The following SPECC1L variants were observed in gnomAD, a reference collection of about 807,000 sequenced individuals.
SPECC1L encodes sperm antigen with calponin homology and coiled-coil domains 1 like, also known as cytospin-A.
In SPECC1L, 40 loss-of-function variants were observed where a neutral mutation model predicts 116.8. The observed-to-expected ratio is 0.34, with a 90% confidence interval of 0.27 to 0.45. SPECC1L has a LOEUF of 0.45. Among genes scored for constraint, SPECC1L ranks in the 20% least tolerant of loss-of-function variants. The pLI is 1.00. For synonymous variants in SPECC1L, 504 were observed against 500.6 expected (o/e 1.01, Z -0.09); for missense variants, 1,110 against 1,373.6 (o/e 0.81, Z 3.03).
intron 2 of SPECC1L, among the ~76,000 whole-genome samples, chr22:24,299,329 C>T (rs539149078): frequency 1.5e-4 from 23 of 151,960 alleles, no homozygotes; most frequent in Admixed American, 3.9e-4. Context: ...CCCAGCTATT[C>T]GGGAGGCTGA....
At chr22:24,309,892 C>T (rs1285757919) in intron 3 of SPECC1L, among the ~76,000 whole-genome samples, 2 of 152,084 alleles carry the variant, frequency 1.3e-5, no homozygotes, top group African/African-American at 4.8e-5. Flanking sequence ...TTATTTTCAG[C>T]ATATGAAACA....
In SPECC1L at chr22:24,391,118, G is replaced by A. The variant is rs538659677; in HGVS notation, c.3088-20470G>A. On this transcript the variant is annotated intron_variant, in intron 14 of 16. Transcript: ENST00000314328. ...TCTCAATCTCCTGATCTTGGGATCCGCCCGCCTTGGCCTCCCAAAGTGCTG... is the reference window on the plus strand; with the variant it reads ...TCTCAATCTCCTGATCTTGGGATCCACCCGCCTTGGCCTCCCAAAGTGCTG... Among the ~76,000 whole-genome samples the A allele has an allele frequency of 4.5e-4, 68 of 151,818 alleles. 3 individuals carry two copies. Among genetic ancestry groups the A allele is most frequent in the Admixed American group, 3.3e-3 (50 of 15,244 alleles).
chr22:24,308,265 GAAAA>G (rs890452484), intron 3 of SPECC1L, among the ~76,000 whole-genome samples: 1 of 151,192 alleles, frequency 6.6e-6, no homozygotes, highest in Non-Finnish European at 1.5e-5. Flanking sequence ...TAGCAAAAGA[GAAAA>G]AAAAATCTGT....
In SPECC1L at chr22:24,328,900, C is replaced by T. The variant is rs1351141864; in HGVS notation, c.2201C>T (p.Thr734Ile). ...CACGACATGGAAAGAGAAATAAAGACACTCCACAGAAGACTTCGGGTAGGA... is the reference window on the plus strand; with the variant it reads ...CACGACATGGAAAGAGAAATAAAGATACTCCACAGAAGACTTCGGGTAGGA... Reference protein sequence around the residue: ...QKHDMEREIKTLHRRLREESA... With the variant: ...QKHDMEREIKILHRRLREESA... The change falls in exon 7 of 17, where the codon ACA (threonine) becomes ATA (isoleucine). Residue 734 changes from threonine (T) to isoleucine (I), a missense_variant. Coordinates refer to ENST00000314328, the MANE Select transcript of SPECC1L (RefSeq NM_015330.6). 6.2e-7 allele frequency: 1 copy of T among 1,613,480 alleles called. No homozygotes were observed. The highest frequency in any genetic ancestry group is 8.5e-7 in the Non-Finnish European group (1 of 1,179,504).
chr22:24,346,332 A>G (rs1218607080), intron 10 of SPECC1L, among the ~76,000 whole-genome samples: 2 of 152,132 alleles, frequency 1.3e-5, no homozygotes, highest in African/African-American at 2.4e-5. Context: ...CTGCCTGCAT[A>G]TGCAGAAGTC....
chr22:24,334,324 GT>G (rs2041004119), intron 8 of SPECC1L, 85 bp from the exon 9 acceptor site: 1 of 1,462,476 alleles, frequency 6.8e-7, no homozygotes, highest in East Asian at 2.3e-5. Context: ...TAAACTGATA[GT>G]TTTTAATGCC....
At chr22:24,370,496 C>A (rs887022029) in intron 14 of SPECC1L, among the ~76,000 whole-genome samples, 1 of 152,198 alleles carries the variant, frequency 6.6e-6, no homozygotes, top group Non-Finnish European at 1.5e-5. Context: ...AATGTTGTAA[C>A]TGCTGTGGAA....
At chr22:24,354,450 C>G (rs2041487917) in intron 11 of SPECC1L, among the ~76,000 whole-genome samples, 2 of 152,052 alleles carry the variant, frequency 1.3e-5, no homozygotes, top group Admixed American at 1.3e-4. Context: ...GATATTTGTT[C>G]TTTGGATTAT....
intron 14 of SPECC1L, among the ~76,000 whole-genome samples, chr22:24,386,614 A>G (rs553546346): frequency 8.4e-4 from 127 of 151,676 alleles, no homozygotes; most frequent in African/African-American, 3.0e-3. Context: ...TATTATTATT[A>G]TTATTTTGAG....
chr22:24,385,154 A>G (rs947372328), intron 14 of SPECC1L, among the ~76,000 whole-genome samples: 19 of 152,062 alleles, frequency 1.2e-4, no homozygotes, highest in Admixed American at 1.0e-3. Context: ...TATTTTTAAT[A>G]TATTTGATAA....
chr22:24,315,007 T>G (rs886614142), intron 4 of SPECC1L, among the ~76,000 whole-genome samples: 1 of 152,276 alleles, frequency 6.6e-6, no homozygotes, highest in Non-Finnish European at 1.5e-5. Context: ...CTCTCATATT[T>G]TACTTCTTAC....
chr22:24,320,249 C>G (rs913005961), intron 4 of SPECC1L, among the ~76,000 whole-genome samples: 2 of 152,072 alleles, frequency 1.3e-5, no homozygotes, highest in Non-Finnish European at 2.9e-5. Flanking sequence ...GCACTATAGC[C>G]TGGGTGATGG....
intron 4 of SPECC1L, 61 bp from the exon 5 acceptor site, chr22:24,321,227 A>G (rs2040716076): frequency 6.3e-7 from 1 of 1,584,266 alleles, no homozygotes. Flanking sequence ...GGAACTGTGT[A>G]TTCTATGTAG....
chr22:24,308,424 G>T lies in SPECC1L; in HGVS notation c.154-4889G>T, dbSNP rs562381103. On this transcript the variant is annotated intron_variant, in intron 3 of 16. Coordinates refer to ENST00000314328, the MANE Select transcript of SPECC1L (RefSeq NM_015330.6). ...GCGAAAGGCAGTTATTTGATAGGCT[G>T]CCCTCCAGATTTGGGTTTGGTAATA... is the stretch of plus-strand genomic sequence containing the variant. 9.2e-5 allele frequency among the ~76,000 whole-genome samples: 14 copies of T among 152,296 alleles called. No homozygotes were observed. The South Asian group carries it at 1.7e-3, about 18-fold the overall frequency.
intron 11 of SPECC1L, among the ~76,000 whole-genome samples, chr22:24,355,597 C>G (rs2041517214): frequency 2.6e-5 from 4 of 152,086 alleles, no homozygotes; most frequent in Admixed American, 2.6e-4. Flanking sequence ...TTTTCCCTTC[C>G]CTTACTTATA....
chr22:24,417,063 A>G lies in SPECC1L; in HGVS notation c.*2440A>G, dbSNP rs1003487462. 1.3e-5 allele frequency: 2 copies of G among 152,496 alleles called. No homozygotes were observed. Among genetic ancestry groups the G allele is most frequent in the Non-Finnish European group, 2.9e-5 (2 of 68,040 alleles). 9.4% of individuals were successfully genotyped at this position (152,496 alleles called of 1,614,324 possible). On this transcript the variant is annotated 3_prime_UTR_variant, in exon 17 of 17. Coordinates refer to ENST00000314328, the MANE Select transcript of SPECC1L (RefSeq NM_015330.6). ...TAAAGTGACATTTGGAGATGCTCTCAGTCCTGTGGCATCTGGCACGAAGTC... is the reference window on the plus strand; with the variant it reads ...TAAAGTGACATTTGGAGATGCTCTCGGTCCTGTGGCATCTGGCACGAAGTC...
chr22:24,275,308 A>C (rs142834541), intron 1 of SPECC1L, among the ~76,000 whole-genome samples: 163 of 148,048 alleles, frequency 1.1e-3, no homozygotes, highest in African/African-American at 3.2e-3. Flanking sequence ...AGGAGCTTTT[A>C]TTCTAGTTGC....
At chr22:24,390,873 T>TTTTTTTC (rs2042255066) in intron 14 of SPECC1L, among the ~76,000 whole-genome samples, 1 of 50,926 alleles carries the variant, frequency 2.0e-5, no homozygotes, top group Non-Finnish European at 3.9e-5. Context: ...TTTTCTTTTC[T>TTTTTTTC]TTTTTTTTTT....
At chr22:24,331,601 T>G (rs1241404276) in intron 8 of SPECC1L, among the ~76,000 whole-genome samples, 3 of 152,232 alleles carry the variant, frequency 2.0e-5, no homozygotes, top group Non-Finnish European at 4.4e-5. Flanking sequence ...TAGCATCTTG[T>G]AGGACAGTGG....
Sources: allele counts gnomAD v4.1 joint callset (sites outside exome capture counted in the v4.1 genomes callset), GRCh38; gene constraint gnomAD v4.1.1; transcripts MANE v1.5; gene names NCBI Gene and HGNC (gene_info 2026-07-23, HGNC 2026-07-21).